NBAS: variants seen among roughly 807,000 people sequenced by gnomAD.
NBAS encodes the protein NAG/BC035112 fusion.
A neutral mutation model predicts 302.5 loss-of-function variants in NBAS; 219 were observed. The observed-to-expected ratio is 0.72, with a 90% confidence interval of 0.65 to 0.81. The LOEUF is 0.81. Among genes scored for constraint, NBAS ranks in the 30% least tolerant of loss-of-function variants. NBAS has a pLI of 0.00. For synonymous variants in NBAS, 1,118 were observed against 1,021.6 expected, an observed-to-expected ratio of 1.09 and a Z score of -1.80; for missense variants, 2,932 against 2,841.6, an observed-to-expected ratio of 1.03 and a Z score of -0.72.
chr2:15,323,670 TAAC>T (rs1358756412), intron 38 of NBAS, among the ~76,000 whole-genome samples: 2 of 151,666 alleles, frequency 1.3e-5, no homozygotes, highest in Non-Finnish European at 2.9e-5. Flanking sequence ...GTCTCTGCAT[TAAC>T]AACAACAAAA....
chr2:15,102,977 G>GAGGAAGGAAGGAAGGA, the NBAS span, among the ~76,000 whole-genome samples: 7,588 of 95,310 alleles, frequency 0.08, 489 homozygotes, highest in African/African-American at 0.13. Context: ...AGGCATTAAG[G>GAGGAAGGAAGGAAGGA]AGGAAGGAAG....
the NBAS span, among the ~76,000 whole-genome samples, chr2:14,843,333 G>T: frequency 1.1e-3 from 164 of 152,104 alleles, no homozygotes; most frequent in African/African-American, 3.9e-3. Context: ...TTAGGCAAGA[G>T]AAATAAACAA....
At chr2:15,230,909 A>G (rs1321330355) in intron 47 of NBAS, among the ~76,000 whole-genome samples, 1 of 152,182 alleles carries the variant, frequency 6.6e-6, no homozygotes, top group African/African-American at 2.4e-5. Context: ...CAGCTTCCTC[A>G]GCCTGGAATT....
chr2:15,503,986 G>C (rs1424218375), intron 11 of NBAS, among the ~76,000 whole-genome samples, 159 bp downstream of exon 11: 1 of 152,084 alleles, frequency 6.6e-6, no homozygotes, highest in African/African-American at 2.4e-5. Flanking sequence ...TTCAGCACCA[G>C]CTCTATGAAT....
intron 7 of NBAS, 50 bp from the exon 8 acceptor site, chr2:15,536,601 A>G (rs775971988): frequency 3.4e-6 from 5 of 1,450,118 alleles, no homozygotes; most frequent in African/African-American, 2.8e-5. Flanking sequence ...AACTAGATAA[A>G]AGTTAACACA....
At chr2:15,375,818 A>G (rs1674707810) in intron 30 of NBAS, among the ~76,000 whole-genome samples, 1 of 152,156 alleles carries the variant, frequency 6.6e-6, no homozygotes, top group African/African-American at 2.4e-5. Flanking sequence ...GGAACAAATT[A>G]AATAAATTAT....
the NBAS span, among the ~76,000 whole-genome samples, chr2:14,979,004 A>G: frequency 0.039 from 5,941 of 152,244 alleles, 303 homozygotes; most frequent in Admixed American, 0.095. Context: ...GCTGAATTCC[A>G]TTAGTCATAG....
At chr2:15,111,550 C>G in the NBAS span, among the ~76,000 whole-genome samples, 1 of 152,120 alleles carries the variant, frequency 6.6e-6, no homozygotes, top group African/African-American at 2.4e-5. Flanking sequence ...TTTACACACT[C>G]TAATAGCAAG....
At chr2:15,161,238 G>C in the NBAS span, among the ~76,000 whole-genome samples, 1,635 of 152,256 alleles carry the variant, frequency 0.011, 17 homozygotes, top group Non-Finnish European at 0.017. Context: ...TGCTGGAGTG[G>C]TTCGTGGCTA....
At chr2:14,816,698 A>G in the NBAS span, among the ~76,000 whole-genome samples, 1 of 152,230 alleles carries the variant, frequency 6.6e-6, no homozygotes, top group Non-Finnish European at 1.5e-5. Flanking sequence ...TCAGAACCTC[A>G]GCAATCCATT....
the NBAS span, among the ~76,000 whole-genome samples, chr2:14,956,154 A>G: frequency 1.3e-5 from 2 of 152,180 alleles, no homozygotes; most frequent in Non-Finnish European, 2.9e-5. Context: ...CTCTTTGCAA[A>G]AGAAAAGCAA....
the NBAS span, among the ~76,000 whole-genome samples, chr2:14,920,610 A>T: frequency 2.5e-4 from 38 of 152,228 alleles, no homozygotes; most frequent in Admixed American, 1.9e-3. Context: ...TTCATCAATT[A>T]TCTTAGCTAG....
At chr2:15,541,180 A>G (rs1356324419) in intron 6 of NBAS, among the ~76,000 whole-genome samples, 3 of 152,148 alleles carry the variant, frequency 2.0e-5, no homozygotes, top group Non-Finnish European at 4.4e-5. Flanking sequence ...CCTCTTTCAT[A>G]GCATTTATCA....
At chr2:15,067,565 G>A in the NBAS span, among the ~76,000 whole-genome samples, 1 of 152,108 alleles carries the variant, frequency 6.6e-6, no homozygotes, top group Non-Finnish European at 1.5e-5. Context: ...TATGTTAAGT[G>A]ACATGTTAGT....
At chr2:15,513,354 G>A (rs1340125277) in intron 9 of NBAS, among the ~76,000 whole-genome samples, 1 of 152,136 alleles carries the variant, frequency 6.6e-6, no homozygotes, top group Non-Finnish European at 1.5e-5. Flanking sequence ...AAGAGACTGT[G>A]GTCCAAAGTC....
chr2:15,550,050 G>C (rs929187607), intron 6 of NBAS, among the ~76,000 whole-genome samples: 3 of 152,124 alleles, frequency 2.0e-5, no homozygotes, highest in African/African-American at 7.2e-5. Flanking sequence ...TGTGGTCCCA[G>C]CTACTCAGGA....
At chr2:14,867,605 G>A in the NBAS span, among the ~76,000 whole-genome samples, 1 of 152,174 alleles carries the variant, frequency 6.6e-6, no homozygotes, top group African/African-American at 2.4e-5. Context: ...AAACTGAAAA[G>A]TGGATGAATG....
intron 11 of NBAS, among the ~76,000 whole-genome samples, chr2:15,502,647 G>C (rs575029153): frequency 6.6e-6 from 1 of 152,310 alleles, no homozygotes; most frequent in East Asian, 1.9e-4. Flanking sequence ...ATGTGTATAG[G>C]GCATTGACCA....
chr2:15,024,373 T>G, the NBAS span, among the ~76,000 whole-genome samples: 1 of 152,168 alleles, frequency 6.6e-6, no homozygotes, highest in Non-Finnish European at 1.5e-5. Flanking sequence ...TATCCAGTCT[T>G]CTGTCGATGG....
Sources: gnomAD v4.1 joint callset for allele counts (sites outside exome capture counted in the v4.1 genomes callset) on GRCh38, gnomAD v4.1.1 for gene constraint, MANE v1.5 for transcripts, NCBI Gene and HGNC (gene_info 2026-07-23, HGNC 2026-07-21) for gene names.